The following LAYN variants were observed in gnomAD, a reference collection of about 807,000 sequenced individuals.
LAYN encodes the protein layilin.
Under a neutral mutation model 43.6 loss-of-function variants are expected in LAYN, and 38 were observed. The ratio of observed to expected loss-of-function variants is 0.87; its 90% CI spans 0.67 to 1.14. LAYN has a LOEUF of 1.14. Among genes scored for constraint, LAYN ranks in the 50% most tolerant of loss-of-function variants. The pLI is 0.00. For synonymous variants in LAYN, 168 were observed against 172.9 expected, an observed-to-expected ratio of 0.97 and a Z score of 0.22; for missense variants, 479 against 463.8, an observed-to-expected ratio of 1.03 and a Z score of -0.30.
At chr11:111,558,783 A>AAAAT (rs386374901) in intron 6 of LAYN, among the ~76,000 whole-genome samples, 1,763 of 143,034 alleles carry the variant, frequency 0.012, 31 homozygotes, top group African/African-American at 0.04. Flanking sequence ...TATTTAAAAA[A>AAAAT]ATATATATAT....
chr11:111,542,992 C>A (rs1463078407), intron 1 of LAYN, among the ~76,000 whole-genome samples: 1 of 152,214 alleles, frequency 6.6e-6, no homozygotes, highest in African/African-American at 2.4e-5. Flanking sequence ...TCAGTAAAAT[C>A]CCATCTGTTT....
At chr11:111,553,620 T>TAAAA (rs146406195) in intron 3 of LAYN, among the ~76,000 whole-genome samples, 1 of 128,018 alleles carries the variant, frequency 7.8e-6, no homozygotes, top group Non-Finnish European at 1.7e-5. Flanking sequence ...CTCTCTCACA[T>TAAAA]AAAAAAAAAA....
At chr11:111,549,860 T>C (rs1867712711) in intron 3 of LAYN, 85 bp downstream of exon 3, 1 of 1,418,640 alleles carries the variant, frequency 7.0e-7, no homozygotes, top group Non-Finnish European at 9.5e-7. Flanking sequence ...GAATTTGTCA[T>C]GTGGTCTCTG....
At chr11:111,540,433 T>A (rs539428415), upstream of LAYN, 30 of 222,256 alleles carry the variant, frequency 1.3e-4, no homozygotes, top group Non-Finnish European at 2.0e-4. Flanking sequence ...GTGGTGCTAG[T>A]TTTAGGCACA....
chr11:111,554,428 C>T (rs1867798655), intron 3 of LAYN, 133 bp from the exon 4 acceptor site: 1 of 711,212 alleles, frequency 1.4e-6, no homozygotes, highest in East Asian at 2.8e-5. Context: ...TTCCTGATAT[C>T]TGATAACAAC....
intron 3 of LAYN, among the ~76,000 whole-genome samples, chr11:111,553,192 G>A (rs963040211): frequency 6.6e-5 from 10 of 151,946 alleles, no homozygotes; most frequent in Admixed American, 2.0e-4. Flanking sequence ...GCAGTGAGCC[G>A]AGATCGCGCC....
intron 3 of LAYN, chr11:111,551,265 G>A: frequency 2.2e-6 from 1 of 452,376 alleles, no homozygotes; most frequent in Non-Finnish European, 4.4e-6. Context: ...GGGGCATGGG[G>A]AATAAATACT....
At chr11:111,553,248 T>A (rs868210133) in intron 3 of LAYN, among the ~76,000 whole-genome samples, 3 of 150,926 alleles carry the variant, frequency 2.0e-5, no homozygotes, top group Admixed American at 6.6e-5. Context: ...ATCTCAAAAA[T>A]AAATAAATAA....
At chr11:111,544,667 T>C (rs2135791344) in intron 2 of LAYN, among the ~76,000 whole-genome samples, 1 of 152,212 alleles carries the variant, frequency 6.6e-6, no homozygotes, top group Admixed American at 6.5e-5. Context: ...CTGCAGTGTA[T>C]AGGGCCCTGC....
In LAYN at chr11:111,560,645, G is replaced by A; in HGVS notation, c.*187G>A. 1.6e-6 allele frequency: 1 copy of A among 621,018 alleles called. No individual in the cohort carries two copies. The highest frequency in any genetic ancestry group is 2.2e-5 in the South Asian group (1 of 46,344). The allele number at this position is 621,018 out of a possible 1,614,324, so 38.5% of individuals were successfully genotyped here. On this transcript the variant is annotated 3_prime_UTR_variant, in exon 7 of 7. Coordinates refer to ENST00000375614, the MANE Select transcript of LAYN (RefSeq NM_178834.5). ...TTGGCTGTATCCTTTATCCCAGCCA[G>A]TCATCCAGCTCGACCTTATGAGAAG...
Position 111,540,777 on chromosome 11 carries a change from C to A in LAYN, c.-67C>A, listed in dbSNP as rs1452599592. 3 of 1,448,240 alleles carry A rather than the reference C, an allele frequency of 2.1e-6. No homozygotes were observed. The highest frequency in any genetic ancestry group is 2.8e-6 in the Non-Finnish European group (3 of 1,090,154). The allele number at this position is 1,448,240 out of a possible 1,614,324, so 89.7% of individuals were successfully genotyped here. A position where few individuals can be genotyped will look rare whatever the true frequency, so the allele number is the denominator to read the frequency against. ...GCCGCGGTTGCAGTTGTCGCGCACG[C>A]CTCTGCCCGCCAGCCCGCTCCACCG... On this transcript the variant is annotated 5_prime_UTR_variant, in exon 1 of 7. Transcript: ENST00000375614.
At chr11:111,540,950 G>C (rs1867524080) in intron 1 of LAYN, 22 bp downstream of exon 1, 1 of 1,527,624 alleles carries the variant, frequency 6.5e-7, no homozygotes, top group East Asian at 2.5e-5. Flanking sequence ...CGCTGGGGCG[G>C]GGGCTGGTGC....
At chr11:111,556,333 G>A (rs1403756081) in intron 5 of LAYN, among the ~76,000 whole-genome samples, 1 of 152,152 alleles carries the variant, frequency 6.6e-6, no homozygotes, top group Non-Finnish European at 1.5e-5. Flanking sequence ...GCTCCACAGA[G>A]CTTTCGTGTC....
At position 111,543,537 on chromosome 11, in the gene LAYN, C is replaced by T. The variant is rs566051714; in HGVS notation, c.86-386C>T. ...AAGCCTCTCTTACCTTAAAGAACCA[C>T]CAGAGACACCCCCTTTAAGCCACAT... On this transcript the variant is annotated intron_variant, in intron 1 of 6. Coordinates refer to ENST00000375614, the MANE Select transcript of LAYN (RefSeq NM_178834.5). 2.0e-5 allele frequency among the ~76,000 whole-genome samples: 3 copies of T among 152,300 alleles called. 1 individual carries two copies. Among genetic ancestry groups the T allele is most frequent in the Admixed American group, 2.0e-4 (3 of 15,298 alleles).
chr11:111,543,832 C>T (rs757312354), intron 1 of LAYN, 91 bp from the exon 2 acceptor site: 46 of 1,304,038 alleles, frequency 3.5e-5, no homozygotes, highest in Non-Finnish European at 4.3e-5. Flanking sequence ...AAATTCCTAC[C>T]CAGGGATACC....
intron 3 of LAYN, chr11:111,551,310 G>A (rs1173155172): frequency 4.4e-6 from 2 of 456,078 alleles, no homozygotes; most frequent in African/African-American, 4.0e-5. Context: ...CTGACCTTCT[G>A]CCTTTGCCTC....
chr11:111,555,421 CT>C lies in LAYN; in HGVS notation c.658+134del, dbSNP rs1867820149. Reference sequence around the variant, plus strand: ...ATAGAACTAGACAGGGCATGTGTGGCTTTGCAAAAGCTGTACTAAATGCTAG... The same window carrying C: ...ATAGAACTAGACAGGGCATGTGTGGCTTGCAAAAGCTGTACTAAATGCTAG... On this transcript the variant is annotated intron_variant, in intron 5 of 6. Transcript: ENST00000375614. 3 of 649,254 alleles carry C rather than the reference CT, an allele frequency of 4.6e-6. No individual in the cohort carries two copies. The Admixed American group carries it at 8.3e-5, about 18-fold the overall frequency. 40.2% of individuals were successfully genotyped at this position (649,254 alleles called of 1,614,324 possible).
At chr11:111,545,487 T>C (rs1016026518) in intron 2 of LAYN, among the ~76,000 whole-genome samples, 1 of 152,188 alleles carries the variant, frequency 6.6e-6, no homozygotes, top group Non-Finnish European at 1.5e-5. Flanking sequence ...GGTACCCAAA[T>C]AGATAACTCC....
rs141288096 is a variant in LAYN, at chr11:111,559,726, T to A, written c.762-369T>A. 2.9e-3 allele frequency among the ~76,000 whole-genome samples: 445 copies of A among 152,284 alleles called. 3 individuals carry two copies. The highest frequency in any genetic ancestry group is 0.01 in the African/African-American group (422 of 41,566). On this transcript the variant is annotated intron_variant, in intron 6 of 6. Coordinates refer to ENST00000375614, the MANE Select transcript of LAYN (RefSeq NM_178834.5). ...CACCTGCCTCAGCCTCCCAAAGTGT[T>A]AGGATTACAGGCGTGGGCCACTGTG...
Sources: allele counts gnomAD v4.1 joint callset (sites outside exome capture counted in the v4.1 genomes callset), GRCh38; gene constraint gnomAD v4.1.1; transcripts MANE v1.5; gene names NCBI Gene and HGNC (gene_info 2026-07-23, HGNC 2026-07-21).